AKAP1: variants seen among roughly 807,000 people sequenced by gnomAD.
AKAP1 encodes the protein A-kinase anchoring protein 1, also known as A-kinase anchor protein 1, mitochondrial.
AKAP1 carries 32 observed loss-of-function variants against 79.8 expected under a neutral mutation model. The ratio of observed to expected loss-of-function variants is 0.40; its 90% confidence interval spans 0.30 to 0.54. The LOEUF is 0.54. Among genes scored for constraint, AKAP1 ranks in the 20% least tolerant of loss-of-function variants. The pLI is 0.47. For synonymous variants in AKAP1, 416 were observed against 466.7 expected (o/e 0.89, Z 1.40); for missense variants, 961 against 1,138.9 (o/e 0.84, Z 2.25).
chr17:57,096,594 C>G (rs1198793168), intron 1 of AKAP1: 1 of 152,270 alleles, frequency 6.6e-6, no homozygotes, highest in African/African-American at 2.4e-5. Context: ...TACACAGGCC[C>G]CTGAGGATGA....
chr17:57,091,350 G>A (rs764203972), intron 1 of AKAP1, among the ~76,000 whole-genome samples: 1 of 152,236 alleles, frequency 6.6e-6, no homozygotes, highest in Non-Finnish European at 1.5e-5. Context: ...TGTGGCTGCA[G>A]TGTACGGGAC....
Position 57,106,201 on chromosome 17 carries a change from G to C in AKAP1, c.737G>C (p.Gly246Ala), listed in dbSNP as rs766922140. The change falls in exon 2 of 11, where the codon GGG (glycine) becomes GCG (alanine). Residue 246 changes from glycine (G) to alanine (A), a missense_variant. Transcript: ENST00000337714. ...LASLEGEEDK[G>A]KSSSSQVVGP... The stretch of plus-strand genomic sequence containing the variant: ...TCTTTAGAGGGGGAAGAAGATAAGG[G>C]GAAGAGCAGCTCATCCCAGGTGGTG... 1 of 1,614,176 alleles carries C rather than the reference G, an allele frequency of 6.2e-7. No homozygotes were observed. Among genetic ancestry groups the C allele is most frequent in the South Asian group, 1.1e-5 (1 of 91,086 alleles).
chr17:57,112,345 A>G (rs1312805424), intron 4 of AKAP1, 146 bp from the exon 5 acceptor site: 9 of 929,740 alleles, frequency 9.7e-6, no homozygotes, highest in African/African-American at 3.3e-5. Flanking sequence ...TTCCTAAAGC[A>G]GAGCTTAAGT....
Position 57,116,505 on chromosome 17 carries a change from G to C in AKAP1, c.2432+244G>C, listed in dbSNP as rs566524476. On this transcript the variant is annotated intron_variant, in intron 7 of 10. Coordinates refer to ENST00000337714, the MANE Select transcript of AKAP1 (RefSeq NM_003488.4). ...CTTCAAAAGTGAAGCTGGGCCAGGC[G>C]TGGTGGCCTGCTGCAAATCCCAGCG... 3.2e-3 allele frequency among the ~76,000 whole-genome samples: 487 copies of C among 152,334 alleles called. 3 individuals carry two copies. Among genetic ancestry groups the C allele is most frequent in the Admixed American group, 0.012 (182 of 15,308 alleles).
intron 10 of AKAP1, among the ~76,000 whole-genome samples, chr17:57,119,830 C>CTTTTGTTTTTTTTTTTTTTTTTTTTTTT (rs1915809858): frequency 1.4e-5 from 1 of 70,290 alleles, no homozygotes; most frequent in African/African-American, 6.6e-5. Context: ...CCCTGTTACT[C>CTTTTGTTTTTTTTTTTTTTTTTTTTTTT]TTTTTTTTTT....
At chr17:57,101,279 A>C (rs1597970309) in intron 1 of AKAP1, among the ~76,000 whole-genome samples, 1 of 150,848 alleles carries the variant, frequency 6.6e-6, no homozygotes, top group Admixed American at 6.6e-5. Context: ...GCTCACTGCA[A>C]CCTCCGCCTC....
intron 8 of AKAP1, among the ~76,000 whole-genome samples, chr17:57,117,237 G>A (rs1427294786): frequency 6.6e-6 from 1 of 152,196 alleles, no homozygotes; most frequent in Non-Finnish European, 1.5e-5. Flanking sequence ...TAGCCCCGGT[G>A]GTTGAGGGCG....
At position 57,119,006 on chromosome 17, in the gene AKAP1, C is replaced by A. The variant is rs1353652025; in HGVS notation, c.2599C>A (p.Leu867Ile). ...AQVTSYSPTG[L>I]PLIQLWSVVG... ...GGTGACAAGTTACAGTCCAACTGGTCTTCCTCTGATTCAGCTGTGGAGTGT... is the reference window on the plus strand; with the variant it reads ...GGTGACAAGTTACAGTCCAACTGGTATTCCTCTGATTCAGCTGTGGAGTGT... The change falls in exon 10 of 11, where the codon CTT becomes ATT. Residue 867 changes from leucine (L) to isoleucine (I), a missense_variant. Leu to Ile is a conservative substitution (Grantham distance 5). This residue lies in a region of AKAP1 where 629 missense variants were observed against 781.1 expected (regional missense o/e 0.81). Coordinates refer to ENST00000337714, the MANE Select transcript of AKAP1 (RefSeq NM_003488.4). 6.2e-7 allele frequency: 1 copy of A among 1,613,924 alleles called. No homozygotes were observed. Among genetic ancestry groups the A allele is most frequent in the East Asian group, 2.2e-5 (1 of 44,890 alleles).
chr17:57,118,545 A>AT, intron 9 of AKAP1, 91 bp downstream of exon 9: 2 of 1,308,950 alleles, frequency 1.5e-6, no homozygotes, highest in Non-Finnish European at 2.2e-6. Context: ...TTGGCCCTGG[A>AT]TTGACCAGCA....
At chr17:57,095,739 CA>C (rs1914071451) in intron 1 of AKAP1, 1 of 152,150 alleles carries the variant, frequency 6.6e-6, no homozygotes, top group African/African-American at 2.4e-5. Context: ...TGCACACCAA[CA>C]TCTTTTCTGA....
At chr17:57,119,850 T>TTTTTTG (rs1915818680) in intron 10 of AKAP1, among the ~76,000 whole-genome samples, 1 of 139,588 alleles carries the variant, frequency 7.2e-6, no homozygotes, top group Non-Finnish European at 1.5e-5. Context: ...TTTTTTTTTT[T>TTTTTTG]GAGACAGTCT....
Position 57,120,525 on chromosome 17 carries a change from A to T in AKAP1, c.*201A>T. 1 of 446,920 alleles carries T rather than the reference A, an allele frequency of 2.2e-6. No individual in the cohort carries two copies. 27.7% of individuals were successfully genotyped at this position (446,920 alleles called of 1,614,324 possible). ...TGGGTTCTCTTCGCAAAGCCAAAGG[A>T]TAGTGTTTAACAAGCCAGCTGGCTT... On this transcript the variant is annotated 3_prime_UTR_variant, in exon 11 of 11. Coordinates refer to ENST00000337714, the MANE Select transcript of AKAP1 (RefSeq NM_003488.4).
chr17:57,096,807 T>C (rs907333683), intron 1 of AKAP1: 43 of 152,308 alleles, frequency 2.8e-4, no homozygotes, highest in African/African-American at 7.7e-4. Context: ...CTCCTGTTCA[T>C]TGGGGCCTTC....
At chr17:57,098,283 C>G (rs1320807103) in intron 1 of AKAP1, among the ~76,000 whole-genome samples, 1 of 152,176 alleles carries the variant, frequency 6.6e-6, no homozygotes, top group Admixed American at 6.5e-5. Flanking sequence ...CCAACAGATT[C>G]AAAATGACAG....
At chr17:57,115,989 C>A in intron 6 of AKAP1, 122 bp from the exon 7 acceptor site, 4 of 1,192,834 alleles carry the variant, frequency 3.4e-6, no homozygotes, top group Non-Finnish European at 4.6e-6. Flanking sequence ...TGTTCCTGTC[C>A]CCTGCACTGT....
At chr17:57,111,635 A>T (rs1004518404) in intron 3 of AKAP1, among the ~76,000 whole-genome samples, 163 bp from the exon 4 acceptor site, 6 of 152,222 alleles carry the variant, frequency 3.9e-5, no homozygotes, top group Non-Finnish European at 8.8e-5. Context: ...CACAGGTACT[A>T]TGAGTAAATG....
intron 1 of AKAP1, among the ~76,000 whole-genome samples, chr17:57,089,900 G>A (rs188254183): frequency 1.5e-3 from 230 of 152,266 alleles, no homozygotes; most frequent in Non-Finnish European, 2.6e-3. Context: ...GTTTGAAGCC[G>A]TTTATTATCA....
Position 57,118,421 on chromosome 17 carries a change from C to T in AKAP1, c.2541C>T (p.Ser847=), listed in dbSNP as rs760065413. 4.3e-6 allele frequency: 7 copies of T among 1,613,860 alleles called. No homozygotes were observed. Among genetic ancestry groups the T allele is most frequent in the South Asian group, 1.1e-5 (1 of 91,078 alleles). ...CACCGGAAGCAGATGCCGCCATGAG[C>T]GAGATGACGGGGAATACAGCACTGC... ...QFSPEADAAM[S]EMTGNTALLA... Residue 847 remains serine (S), a synonymous_variant, in exon 9 of 11, where the codon AGC becomes AGT. Transcript: ENST00000337714.
intron 1 of AKAP1, chr17:57,094,649 C>G (rs1913987499): frequency 1.4e-5 from 2 of 147,672 alleles, no homozygotes; most frequent in Admixed American, 1.4e-4. Flanking sequence ...GTCTCACTGT[C>G]CCCCAGGCTG....
Sources: allele counts gnomAD v4.1 joint callset (sites outside exome capture counted in the v4.1 genomes callset), GRCh38; gene constraint gnomAD v4.1.1; regional missense constraint gnomAD v4.1.1; transcripts MANE v1.5; gene names NCBI Gene and HGNC (gene_info 2026-07-23, HGNC 2026-07-21).